The following PIN4 variants were observed in gnomAD, a reference collection of about 807,000 sequenced individuals.
PIN4 encodes the protein peptidyl-prolyl cis-trans isomerase NIMA-interacting 4.
A neutral mutation model predicts 8.3 loss-of-function variants in PIN4; 3 were observed. The ratio of observed to expected loss-of-function variants is 0.36; its 90% CI spans 0.16 to 0.93. The LOEUF (loss-of-function observed/expected upper bound fraction) is 0.93. Ranked by LOEUF, PIN4 falls within the 40% of genes least tolerant of loss-of-function variation. The pLI is 0.44. For synonymous variants in PIN4, 18 were observed against 32.5 expected (o/e 0.55, Z 1.52); for missense variants, 75 against 100.6 (o/e 0.75, Z 1.09).
chrX:72,209,083 A>G (rs2042837594), intron 3 of PIN4, among the ~76,000 whole-genome samples: 1 of 111,501 alleles, frequency 9.0e-6, no homozygotes, highest in East Asian at 2.8e-4. Context: ...TCCATTTAAC[A>G]GTATTGATCA....
intron 3 of PIN4, among the ~76,000 whole-genome samples, chrX:72,236,522 C>T (rs1046733158): frequency 5.4e-5 from 6 of 111,468 alleles, no homozygotes; most frequent in African/African-American, 1.6e-4. Context: ...TCTTGAACTC[C>T]TGACCTCGTG....
At chrX:72,186,679 C>T (rs908233818) in intron 2 of PIN4, 145 bp downstream of exon 2, 3 of 470,896 alleles carry the variant, frequency 6.4e-6, no homozygotes, top group African/African-American at 4.8e-5. Context: ...TGTAGCTGGG[C>T]GCACCTGTAA....
chrX:72,214,834 A>G (rs1461601037), intron 3 of PIN4, among the ~76,000 whole-genome samples: 1 of 111,114 alleles, frequency 9.0e-6, no homozygotes, highest in Non-Finnish European at 1.9e-5. Flanking sequence ...TAAAAATACA[A>G]AAATTAGCCA....
intron 2 of PIN4, among the ~76,000 whole-genome samples, chrX:72,195,883 C>G (rs2042762254): frequency 1.8e-5 from 2 of 110,949 alleles, no homozygotes; most frequent in African/African-American, 3.3e-5. Context: ...CTTTGGGAGG[C>G]CGAGGCGGGC....
Position 72,204,976 on chromosome X carries a change from TCA to T in PIN4, c.312+8073_312+8074del, listed in dbSNP as rs752684078. 4.6e-6 allele frequency: 5 copies of T among 1,082,406 alleles called. No individual in the cohort carries two copies. The African/African-American group carries it at 7.5e-5, about 16-fold the overall frequency. The allele number at this position is 1,082,406 out of a possible 1,213,427, so 89.2% of individuals were successfully genotyped here. On this transcript the variant is annotated intron_variant, in intron 3 of 3. Coordinates refer to the PIN4 transcript ENST00000423432. The stretch of plus-strand genomic sequence containing the variant: ...TATGGGAACAAAAATTCCCTCATAT[TCA>T]GTTTCACTTTAAAATACAATAAACA...
At chrX:72,238,236 G>A (rs1042097710) in intron 3 of PIN4, among the ~76,000 whole-genome samples, 1 of 111,738 alleles carries the variant, frequency 8.9e-6, no homozygotes, top group Admixed American at 9.5e-5. Flanking sequence ...CACAATTTAA[G>A]AAAAAATTTA....
downstream of PIN4, among the ~76,000 whole-genome samples, chrX:72,203,109 A>G (rs979084427): frequency 7.2e-5 from 8 of 111,509 alleles, no homozygotes; most frequent in African/African-American, 2.6e-4. Context: ...TATTTTATCA[A>G]TCATGCCTCC....
chrX:72,233,087 T>A (rs1792489495), intron 3 of PIN4, among the ~76,000 whole-genome samples: 1 of 111,678 alleles, frequency 9.0e-6, no homozygotes, highest in African/African-American at 3.3e-5. Flanking sequence ...AAAGGAGGAA[T>A]CAGATTGTAA....
intron 3 of PIN4, among the ~76,000 whole-genome samples, chrX:72,208,856 C>T (rs1017098877): frequency 1.8e-5 from 2 of 112,133 alleles, no homozygotes; most frequent in African/African-American, 3.2e-5. Context: ...TGAAAGCTGG[C>T]GTCACTTGAG....
intron 3 of PIN4, among the ~76,000 whole-genome samples, chrX:72,259,655 C>T (rs2043129117): frequency 9.3e-6 from 1 of 107,100 alleles, no homozygotes; most frequent in Non-Finnish European, 1.9e-5. Context: ...AATTGACTTG[C>T]CCACTATCAC....
At chrX:72,206,029 G>A (rs763268011) in intron 3 of PIN4, 27 of 1,211,398 alleles carry the variant, frequency 2.2e-5, no homozygotes, top group Non-Finnish European at 2.9e-5. Flanking sequence ...TTCAATAATG[G>A]ATACATTTGA....
intron 3 of PIN4, among the ~76,000 whole-genome samples, chrX:72,227,593 A>G (rs73225104): frequency 0.015 from 1,620 of 111,101 alleles, 9 homozygotes; most frequent in Middle Eastern, 0.023. Flanking sequence ...CCTCTTCTGT[A>G]TATTATCCGC....
At position 72,207,144 on chromosome X, in the gene PIN4, G is replaced by A. The variant is rs781419143; in HGVS notation, c.312+10240G>A. 4 of 1,209,282 alleles carry A rather than the reference G, an allele frequency of 3.3e-6. No homozygotes were observed. In the Admixed American group the frequency reaches 6.6e-5, roughly 20 times the overall value. On this transcript the variant is annotated intron_variant, in intron 3 of 3. Transcript: ENST00000423432. ...TAGTTGCTGCAGTTAATGTTAAACC[G>A]ACACCACCTACTTGAGTGGTAAGCA...
chrX:72,201,850 G>A (rs1020562359), downstream of PIN4, among the ~76,000 whole-genome samples: 2 of 112,794 alleles, frequency 1.8e-5, no homozygotes, highest in Non-Finnish European at 3.7e-5. Flanking sequence ...AACAAAGAAC[G>A]AAACGCACAA....
downstream of PIN4, chrX:72,198,817 C>T (rs941876037): frequency 1.5e-4 from 17 of 110,734 alleles, no homozygotes; most frequent in African/African-American, 4.9e-4. Context: ...ATGACCATGC[C>T]CCCTGCACTC....
chrX:72,191,793 G>A (rs1373674069), intron 2 of PIN4, among the ~76,000 whole-genome samples: 1 of 111,429 alleles, frequency 9.0e-6, no homozygotes, highest in Admixed American at 9.5e-5. Context: ...TTTCCTTTAA[G>A]GCTAATTTTT....
At chrX:72,242,787 G>A (rs1053272190) in intron 3 of PIN4, among the ~76,000 whole-genome samples, 3 of 112,186 alleles carry the variant, frequency 2.7e-5, no homozygotes, top group African/African-American at 6.5e-5. Flanking sequence ...AGGCCGAGGC[G>A]GGCGGATCAC....
chrX:72,233,489 C>T (rs147863965), intron 3 of PIN4, among the ~76,000 whole-genome samples: 12,904 of 108,663 alleles, frequency 0.12, 1,031 homozygotes, highest in East Asian at 0.48. Flanking sequence ...TTTGGGAGGC[C>T]GAGGCAGGCG....
At chrX:72,219,854 A>T (rs993833897) in intron 3 of PIN4, among the ~76,000 whole-genome samples, 1 of 110,284 alleles carries the variant, frequency 9.1e-6, no homozygotes, top group Admixed American at 9.7e-5. Flanking sequence ...TCTCAAAAAA[A>T]AAAAAAAAAG....
Sources: allele counts gnomAD v4.1 joint callset (sites outside exome capture counted in the v4.1 genomes callset), GRCh38; gene constraint gnomAD v4.1.1; transcripts MANE v1.5; gene names NCBI Gene and HGNC (gene_info 2026-07-23, HGNC 2026-07-21).